Variants in SOX6 observed in about 807,000 individuals in gnomAD.
The protein encoded by SOX6 is transcription factor SOX-6.
SOX6 carries 11 observed loss-of-function variants against 97.8 expected under a neutral mutation model. That is an observed-to-expected ratio of 0.11 (90% confidence interval 0.07 to 0.19). SOX6 has a LOEUF of 0.19. Among genes scored for constraint, SOX6 ranks in the 10% least tolerant of loss-of-function variants. SOX6 has a pLI of 1.00. For missense variants in SOX6, 810 were observed against 1,039.5 expected (o/e 0.78, Z 3.04); for synonymous variants, 360 against 371.4 (o/e 0.97, Z 0.35).
chr11:16,701,645 CAGG>C (rs1848094705), intron 3 of SOX6, among the ~76,000 whole-genome samples: 2 of 151,852 alleles, frequency 1.3e-5, no homozygotes, highest in African/African-American at 2.4e-5. Flanking sequence ...ATCACAAGGT[CAGG>C]AGATGAGACC....
At chr11:16,409,230 T>C (rs1438225978) in intron 1 of SOX6, among the ~76,000 whole-genome samples, 1 of 151,446 alleles carries the variant, frequency 6.6e-6, no homozygotes, top group African/African-American at 2.4e-5. Flanking sequence ...ACAACCTCCA[T>C]TCTTTACCAA....
At chr11:16,675,352 T>G (rs1259790914) in intron 3 of SOX6, among the ~76,000 whole-genome samples, 4 of 152,180 alleles carry the variant, frequency 2.6e-5, no homozygotes, top group Non-Finnish European at 5.9e-5. Context: ...GATCTCATTA[T>G]GTTGCCCAGG....
intron 4 of SOX6, among the ~76,000 whole-genome samples, chr11:16,582,578 G>T (rs774025276): frequency 4.0e-5 from 6 of 151,420 alleles, no homozygotes; most frequent in Non-Finnish European, 7.4e-5. Flanking sequence ...CTAATAATAT[G>T]TAAAATGACA....
chr11:16,000,574 A>G (rs1030771101), intron 13 of SOX6, among the ~76,000 whole-genome samples: 3 of 148,162 alleles, frequency 2.0e-5, no homozygotes, highest in African/African-American at 7.3e-5. Context: ...GTTGAGGAAA[A>G]CCATAAGTAA....
intron 1 of SOX6, among the ~76,000 whole-genome samples, chr11:16,429,015 T>C (rs1041082589): frequency 6.6e-6 from 1 of 151,782 alleles, no homozygotes; most frequent in African/African-American, 2.4e-5. Context: ...GCAGTGGTTC[T>C]CCTTGAACAG....
chr11:16,188,843 G>A (rs893113425), intron 4 of SOX6, among the ~76,000 whole-genome samples: 2 of 151,888 alleles, frequency 1.3e-5, no homozygotes, highest in Non-Finnish European at 2.9e-5. Context: ...CAGGTGGCTC[G>A]CCTTAGGTCA....
chr11:16,067,684 A>G (rs1339616792), intron 9 of SOX6, among the ~76,000 whole-genome samples: 1 of 152,200 alleles, frequency 6.6e-6, no homozygotes, highest in Non-Finnish European at 1.5e-5. Context: ...ATTGTTTGTA[A>G]CACAAAGGAT....
At chr11:16,410,025 T>C (rs886467204) in intron 1 of SOX6, among the ~76,000 whole-genome samples, 2 of 151,852 alleles carry the variant, frequency 1.3e-5, no homozygotes, top group Non-Finnish European at 2.9e-5. Context: ...TGGGGAGGAA[T>C]AGGGAGATGT....
At chr11:16,421,082 T>C (rs1859012660) in intron 1 of SOX6, among the ~76,000 whole-genome samples, 1 of 152,194 alleles carries the variant, frequency 6.6e-6, no homozygotes, top group Admixed American at 6.5e-5. Flanking sequence ...GAACCATGTT[T>C]CCCTTTTTCC....
chr11:16,667,685 G>A (rs1177377691), intron 3 of SOX6, among the ~76,000 whole-genome samples: 3 of 152,150 alleles, frequency 2.0e-5, no homozygotes, highest in African/African-American at 4.8e-5. Flanking sequence ...ATGCTAAGGG[G>A]AGTTCTTCAA....
chr11:16,523,376 A>G (rs1861103773), intron 4 of SOX6, among the ~76,000 whole-genome samples: 2 of 152,364 alleles, frequency 1.3e-5, no homozygotes, highest in African/African-American at 2.4e-5. Flanking sequence ...CTGCTCCTGA[A>G]TGACTACTGG....
rs575713961 is a variant in SOX6 at position 16,524,472 on chromosome 11, G to A, written n.610-48084C>T. Among the ~76,000 whole-genome samples the A allele has an allele frequency of 3.1e-3, 475 of 152,082 alleles. 4 individuals carry two copies. Among genetic ancestry groups the A allele is most frequent in the African/African-American group, 0.011 (448 of 41,470 alleles). ...ACTCTCAATAAATTAGGTATTGATGGGACATATCTCAAAATAATAAGAGCT... is the reference window on the plus strand; with the variant it reads ...ACTCTCAATAAATTAGGTATTGATGAGACATATCTCAAAATAATAAGAGCT... On this transcript the variant is annotated intron_variant and non_coding_transcript_variant, in intron 4 of 5. Transcript: ENST00000524520.
At chr11:16,144,701 A>G (rs1418839349) in intron 6 of SOX6, among the ~76,000 whole-genome samples, 1 of 152,226 alleles carries the variant, frequency 6.6e-6, no homozygotes, top group Non-Finnish European at 1.5e-5. Flanking sequence ...ACAAACTACC[A>G]TCAGAGAATA....
At chr11:16,270,947 T>C (rs1017519931) in intron 3 of SOX6, among the ~76,000 whole-genome samples, 4 of 151,404 alleles carry the variant, frequency 2.6e-5, no homozygotes, top group South Asian at 2.1e-4. Flanking sequence ...ATAGTGGTGA[T>C]AGTTATAAAA....
intron 4 of SOX6, among the ~76,000 whole-genome samples, chr11:16,508,932 A>G (rs1860834171): frequency 1.3e-5 from 2 of 152,270 alleles, no homozygotes; most frequent in African/African-American, 2.4e-5. Context: ...TAAGAAAATA[A>G]CATGTATACT....
intron 1 of SOX6, among the ~76,000 whole-genome samples, chr11:16,473,424 T>C (rs1197675128): frequency 6.6e-6 from 1 of 152,206 alleles, no homozygotes; most frequent in Non-Finnish European, 1.5e-5. Context: ...AAAATCATAA[T>C]GATCATTTGA....
At chr11:16,487,261 G>C (rs567150381) in intron 4 of SOX6, among the ~76,000 whole-genome samples, 71 of 152,250 alleles carry the variant, frequency 4.7e-4, no homozygotes, top group African/African-American at 1.7e-3. Context: ...TTAAGTCTTA[G>C]TTATTGCAGG....
At position 16,605,546 on chromosome 11, in the gene SOX6, C is replaced by T. The variant is rs1214811875; in HGVS notation, n.609+6535G>A. On this transcript the variant is annotated intron_variant and non_coding_transcript_variant, in intron 4 of 5. Coordinates refer to the SOX6 transcript ENST00000524520. The surrounding 1 kb of genome is among the most constrained non-coding windows in gnomAD (Gnocchi z 5.3). Reference sequence around the variant, plus strand: ...GAGCGGTGTCCCGAAAAAGTTGCGGCGGAGCGGCGGTGGGGTGAGGGTGGG... The same window carrying T: ...GAGCGGTGTCCCGAAAAAGTTGCGGTGGAGCGGCGGTGGGGTGAGGGTGGG... 2.6e-5 allele frequency among the ~76,000 whole-genome samples: 4 copies of T among 151,866 alleles called. No individual in the cohort carries two copies. Among genetic ancestry groups the T allele is most frequent in the Non-Finnish European group, 5.9e-5 (4 of 67,958 alleles).
At chr11:16,455,708 A>T (rs2133100913) in intron 1 of SOX6, among the ~76,000 whole-genome samples, 1 of 152,242 alleles carries the variant, frequency 6.6e-6, no homozygotes, top group African/African-American at 2.4e-5. Flanking sequence ...ATAATTTAAT[A>T]GGAATTGTGT....
Sources: allele counts gnomAD v4.1 joint callset (sites outside exome capture counted in the v4.1 genomes callset), GRCh38; gene constraint gnomAD v4.1.1; non-coding constraint Gnocchi (gnomAD v3.1); transcripts MANE v1.5; gene names NCBI Gene and HGNC (gene_info 2026-07-23, HGNC 2026-07-21).